Variants in NFATC2 observed in about 807,000 individuals in gnomAD.
The protein encoded by NFATC2 is nuclear factor of activated T cells 2, also known as nuclear factor of activated T-cells, cytoplasmic 2.
In NFATC2, 22 loss-of-function variants were observed where a neutral mutation model predicts 87.3. The ratio of observed to expected loss-of-function variants is 0.25; its 90% CI spans 0.18 to 0.36. NFATC2 has a LOEUF of 0.36. Among genes scored for constraint, NFATC2 ranks in the 10% least tolerant of loss-of-function variants. The pLI is 1.00. For synonymous variants in NFATC2, 565 were observed against 542.2 expected, an observed-to-expected ratio of 1.04 and a Z score of -0.58; for missense variants, 1,149 against 1,259.1, an observed-to-expected ratio of 0.91 and a Z score of 1.32.
intron 9 of NFATC2, among the ~76,000 whole-genome samples, chr20:51,404,295 A>C (rs1332166259): frequency 6.6e-6 from 1 of 152,176 alleles, no homozygotes; most frequent in Non-Finnish European, 1.5e-5. Flanking sequence ...CTTTCATAGA[A>C]CTTGAGGCAA....
intron 9 of NFATC2, among the ~76,000 whole-genome samples, chr20:51,418,423 C>T (rs1398183031): frequency 2.0e-5 from 3 of 152,306 alleles, no homozygotes; most frequent in East Asian, 3.9e-4. Context: ...AACGCTGGTA[C>T]ACATCCTTTC....
At chr20:51,433,997 T>A (rs1458379774) in intron 8 of NFATC2, among the ~76,000 whole-genome samples, 2 of 152,114 alleles carry the variant, frequency 1.3e-5, no homozygotes, top group African/African-American at 2.4e-5. Context: ...AAGAGCACCA[T>A]GAAACATATC....
At chr20:51,416,922 A>G (rs1012759049) in intron 9 of NFATC2, among the ~76,000 whole-genome samples, 1 of 152,178 alleles carries the variant, frequency 6.6e-6, no homozygotes, top group African/African-American at 2.4e-5. Context: ...CCTGCAGGGA[A>G]TCCACATGGA....
At chr20:51,547,618 G>A (rs773982840), upstream of NFATC2, among the ~76,000 whole-genome samples, 6 of 152,086 alleles carry the variant, frequency 3.9e-5, no homozygotes, top group South Asian at 2.1e-4. Flanking sequence ...ACATCTCCAC[G>A]GGAGCATCTA....
chr20:51,487,004 G>A (rs1989765010), intron 3 of NFATC2, among the ~76,000 whole-genome samples: 1 of 152,232 alleles, frequency 6.6e-6, no homozygotes, highest in South Asian at 2.1e-4. Context: ...GAGATGGCGA[G>A]GGAAAAGTGA....
chr20:51,507,042 G>A (rs182313039), intron 3 of NFATC2, among the ~76,000 whole-genome samples: 110 of 152,336 alleles, frequency 7.2e-4, no homozygotes, highest in African/African-American at 2.6e-3. Flanking sequence ...GCCCCGGCTG[G>A]AGCGCTCCAC....
chr20:51,526,471 G>A (rs1011206171), intron 1 of NFATC2, among the ~76,000 whole-genome samples: 1 of 152,178 alleles, frequency 6.6e-6, no homozygotes, highest in African/African-American at 2.4e-5. Flanking sequence ...CTCCGTCAGT[G>A]TTGGGCCCGT....
In NFATC2 at chr20:51,516,949, T is replaced by C. The variant is rs2076360890; in HGVS notation, c.1167A>G (p.Pro389=). ...LVPAIPICSI[P]VTASLPPLEW... ...CAAGTGGAGGGAGGGATGCAGTCAC[T>C]GGGATGCTAAAGGAGAAAATAAAAT... Residue 389 remains proline, a synonymous_variant, in exon 3 of 11, where the codon CCA becomes CCG. Transcript: ENST00000371564. 6.2e-7 allele frequency: 1 copy of C among 1,608,524 alleles called. No individual in the cohort carries two copies. The highest frequency in any genetic ancestry group is 8.5e-7 in the Non-Finnish European group (1 of 1,177,692).
At chr20:51,520,483 G>A (rs564517143) in intron 2 of NFATC2, among the ~76,000 whole-genome samples, 138 of 149,668 alleles carry the variant, frequency 9.2e-4, no homozygotes, top group Non-Finnish European at 1.8e-3. Context: ...GGGGGTGTGT[G>A]TCTAGTTTGC....
At chr20:51,473,512 G>C (rs1449179678) in intron 5 of NFATC2, among the ~76,000 whole-genome samples, 1 of 152,162 alleles carries the variant, frequency 6.6e-6, no homozygotes, top group Non-Finnish European at 1.5e-5. Context: ...TCCCGGGACT[G>C]CTGTGAATAC....
Position 51,553,931 on chromosome 20 carries a change from C to T in NFATC2, c.70+8629G>A, listed in dbSNP as rs564369747. On this transcript the variant is annotated intron_variant, in intron 1 of 10. Transcript: ENST00000414705. ...CTGTCACCGTCGGCCCACTGTCCCCCCTCAGTCACCCAAGCTGTCTTCCCC... is the reference window on the plus strand; with the variant it reads ...CTGTCACCGTCGGCCCACTGTCCCCTCTCAGTCACCCAAGCTGTCTTCCCC... Among the ~76,000 whole-genome samples, 10 of 152,242 alleles carry T rather than the reference C, an allele frequency of 6.6e-5. No individual in the cohort carries two copies. In the East Asian group the frequency reaches 1.9e-3, roughly 29 times the overall value.
chr20:51,521,605 G>A (rs1334430011), intron 2 of NFATC2, among the ~76,000 whole-genome samples: 1 of 152,228 alleles, frequency 6.6e-6, no homozygotes, highest in Non-Finnish European at 1.5e-5. Context: ...ACAGGCGTGA[G>A]CCACCGCACC....
intron 5 of NFATC2, among the ~76,000 whole-genome samples, chr20:51,463,885 ACT>A (rs1412563231): frequency 6.6e-6 from 1 of 152,058 alleles, no homozygotes; most frequent in East Asian, 1.9e-4. Context: ...TCAGAAGGGC[ACT>A]CTGCCTTCCC....
chr20:51,543,975 A>ATTTATTTTTT (rs774804203), upstream of NFATC2, among the ~76,000 whole-genome samples: 2 of 72,978 alleles, frequency 2.7e-5, no homozygotes, highest in Non-Finnish European at 4.8e-5. Context: ...AGAATTCCTA[A>ATTTATTTTTT]TTTTTTTTTT....
chr20:51,398,281 A>G (rs1456671041), intron 10 of NFATC2, among the ~76,000 whole-genome samples: 1 of 152,060 alleles, frequency 6.6e-6, no homozygotes. Context: ...AGTGCCGGAC[A>G]CCCACCACGG....
rs906873620 is a variant in NFATC2 at position 51,395,455 on chromosome 20, G to A, written c.*44+3188C>T. Among the ~76,000 whole-genome samples, 8 of 151,118 alleles carry A rather than the reference G, an allele frequency of 5.3e-5. No homozygotes were observed. In the East Asian group the frequency reaches 1.5e-3, roughly 29 times the overall value. ...TCTGCTTAGCCAGCAGAGAGAGGCC[G>A]TGTGACAAAGGCAAGTGCTCTGCTG... On this transcript the variant is annotated intron_variant, in intron 10 of 10. Coordinates refer to ENST00000371564, the MANE Select transcript of NFATC2 (RefSeq NM_012340.5).
At chr20:51,453,522 G>C (rs903283876) in intron 6 of NFATC2, among the ~76,000 whole-genome samples, 5 of 152,170 alleles carry the variant, frequency 3.3e-5, no homozygotes, top group African/African-American at 1.2e-4. Flanking sequence ...CAAAATAAGT[G>C]TCCCAAGTTA....
chr20:51,538,392 A>G (rs895889532), intron 1 of NFATC2, among the ~76,000 whole-genome samples: 2 of 152,180 alleles, frequency 1.3e-5, no homozygotes, highest in East Asian at 3.9e-4. Flanking sequence ...CTCTCGGGGG[A>G]AAAAAGAAAG....
At chr20:51,469,898 T>C (rs1432399034) in intron 5 of NFATC2, among the ~76,000 whole-genome samples, 1 of 152,242 alleles carries the variant, frequency 6.6e-6, no homozygotes, top group East Asian at 1.9e-4. Flanking sequence ...AACACATTTC[T>C]GTTGTTTCAA....
Sources: allele counts gnomAD v4.1 joint callset (sites outside exome capture counted in the v4.1 genomes callset), GRCh38; gene constraint gnomAD v4.1.1; transcripts MANE v1.5; gene names NCBI Gene and HGNC (gene_info 2026-07-23, HGNC 2026-07-21).